The following ARHGAP24 variants were observed in gnomAD, a reference collection of about 807,000 sequenced individuals.
The protein encoded by ARHGAP24 is rho GTPase-activating protein 24.
A neutral mutation model predicts 76.4 loss-of-function variants in ARHGAP24; 50 were observed. The observed-to-expected ratio is 0.65, with a 90% CI of 0.52 to 0.83. The LOEUF is 0.83. ARHGAP24 is among the 40% of genes least tolerant of loss of function. ARHGAP24 has a pLI of 0.00. For missense variants in ARHGAP24, 930 were observed against 914.2 expected, an observed-to-expected ratio of 1.02 and a Z score of -0.22; for synonymous variants, 345 against 323.3, an observed-to-expected ratio of 1.07 and a Z score of -0.72.
chr4:85,675,393 G>A (rs576461092), intron 2 of ARHGAP24, among the ~76,000 whole-genome samples: 64 of 152,272 alleles, frequency 4.2e-4, no homozygotes, highest in Admixed American at 1.0e-3. Flanking sequence ...CATGTATTCT[G>A]CAGCTGTGGG....
intron 3 of ARHGAP24, among the ~76,000 whole-genome samples, chr4:85,846,327 C>T (rs1019129739): frequency 6.6e-6 from 1 of 152,200 alleles, no homozygotes; most frequent in Non-Finnish European, 1.5e-5. Context: ...TATCTCCACC[C>T]CCAATCTGCT....
At chr4:85,722,266 T>C (rs1049571802) in intron 3 of ARHGAP24, 18 of 354,840 alleles carry the variant, frequency 5.1e-5, no homozygotes, top group South Asian at 2.2e-4. Flanking sequence ...TGAATTTGAT[T>C]TTACAGCGCT....
chr4:85,648,641 C>A (rs1329171162), intron 2 of ARHGAP24, among the ~76,000 whole-genome samples: 1 of 151,996 alleles, frequency 6.6e-6, no homozygotes, highest in Non-Finnish European at 1.5e-5. Context: ...ATATGTCATA[C>A]AAGTGGAAAC....
At chr4:85,876,768 A>G (rs1362268352) in intron 3 of ARHGAP24, among the ~76,000 whole-genome samples, 2 of 152,210 alleles carry the variant, frequency 1.3e-5, no homozygotes, top group Non-Finnish European at 2.9e-5. Context: ...AGCACACGTA[A>G]CATCAGTGGT....
chr4:85,587,227 T>C (rs1429615490), intron 2 of ARHGAP24, among the ~76,000 whole-genome samples: 3 of 152,212 alleles, frequency 2.0e-5, no homozygotes, highest in Non-Finnish European at 4.4e-5. Flanking sequence ...ATTCCTTAAT[T>C]GACCCAACAG....
intron 2 of ARHGAP24, among the ~76,000 whole-genome samples, chr4:85,643,247 T>G (rs1453865044): frequency 0.03 from 1,306 of 42,882 alleles, 163 homozygotes; most frequent in East Asian, 0.17. Flanking sequence ...TTTTTTTTTT[T>G]TTTTTTTTTT....
At position 85,643,407 on chromosome 4, in the gene ARHGAP24, C is replaced by T. The variant is rs59477193; in HGVS notation, c.180+72686C>T. 6.7e-3 allele frequency among the ~76,000 whole-genome samples: 805 copies of T among 120,990 alleles called. 70 individuals carry two copies. Among genetic ancestry groups the T allele is most frequent in the African/African-American group, 0.021 (766 of 35,852 alleles). 79.4% of individuals were successfully genotyped at this position (120,990 alleles called of 152,430 possible). ...CCCAGTAGCTGGGACTACAGGCGCC[C>T]GCCACCGCGCCCGGCTAATTTTTTG... On this transcript the variant is annotated intron_variant, in intron 2 of 9. Transcript: ENST00000395184.
intron 1 of ARHGAP24, among the ~76,000 whole-genome samples, chr4:85,524,258 T>C (rs1308088040): frequency 6.6e-6 from 1 of 152,126 alleles, no homozygotes; most frequent in Non-Finnish European, 1.5e-5. Context: ...GCTAATTTTT[T>C]ACCAAATTCC....
chr4:85,546,534 TAACAG>T (rs1460759198), intron 1 of ARHGAP24, among the ~76,000 whole-genome samples: 5 of 152,212 alleles, frequency 3.3e-5, no homozygotes, highest in Non-Finnish European at 5.9e-5. Flanking sequence ...ATTTTAGAAT[TAACAG>T]AAATCTTAGA....
rs150288018 is a variant in ARHGAP24, at chr4:85,548,660, A to T, written c.-20-21862A>T. Among the ~76,000 whole-genome samples the T allele has an allele frequency of 7.2e-5, 11 of 152,354 alleles. No homozygotes were observed. In the East Asian group the frequency reaches 2.1e-3, roughly 29 times the overall value. On this transcript the variant is annotated intron_variant, in intron 1 of 9. Transcript: ENST00000395184. ...ACTAACTAGAATTCAACTTTTTAAC[A>T]GCTTTTTGGAATAAAATTTACTAGA...
intron 2 of ARHGAP24, among the ~76,000 whole-genome samples, chr4:85,610,271 G>T (rs969699740): frequency 6.6e-6 from 1 of 151,690 alleles, no homozygotes. Flanking sequence ...GTGAAACCTT[G>T]TCTCTACTAA....
At chr4:85,798,225 T>C (rs1425164513) in intron 3 of ARHGAP24, among the ~76,000 whole-genome samples, 1 of 152,324 alleles carries the variant, frequency 6.6e-6, no homozygotes, top group East Asian at 1.9e-4. Flanking sequence ...TGTCATCTGA[T>C]ATAACTCAAC....
At chr4:85,719,504 A>G (rs900426950) in intron 2 of ARHGAP24, among the ~76,000 whole-genome samples, 2 of 152,208 alleles carry the variant, frequency 1.3e-5, no homozygotes, top group Non-Finnish European at 2.9e-5. Flanking sequence ...CAAACCAAGT[A>G]GGTTGAAAAT....
intron 3 of ARHGAP24, among the ~76,000 whole-genome samples, chr4:85,913,633 A>G (rs928079728): frequency 9.2e-5 from 14 of 152,120 alleles, no homozygotes; most frequent in African/African-American, 3.4e-4. Flanking sequence ...TCACTGCTGT[A>G]TCCTCAGAAC....
Position 85,591,535 on chromosome 4 carries a change from C to G in ARHGAP24, c.180+20814C>G, listed in dbSNP as rs181982771. Among the ~76,000 whole-genome samples the G allele has an allele frequency of 2.5e-4, 38 of 152,318 alleles. No homozygotes were observed. The East Asian group carries it at 6.2e-3, about 25-fold the overall frequency. ...CTGCAGTGCTCAACTCTAATGTCAA[C>G]ATACTCTTGTGTCAGACTTAGTCAT... On this transcript the variant is annotated intron_variant, in intron 2 of 9. Transcript: ENST00000395184.
At chr4:85,543,767 AT>A (rs1304946881) in intron 1 of ARHGAP24, among the ~76,000 whole-genome samples, 16 of 152,106 alleles carry the variant, frequency 1.1e-4, no homozygotes, top group African/African-American at 3.9e-4. Flanking sequence ...AGGAAGCAGA[AT>A]TTTTTTCCTA....
At chr4:85,602,935 C>A (rs1720081012) in intron 2 of ARHGAP24, among the ~76,000 whole-genome samples, 1 of 152,202 alleles carries the variant, frequency 6.6e-6, no homozygotes, top group South Asian at 2.1e-4. Context: ...GATTACCTCA[C>A]TGCATTAACT....
At chr4:85,852,457 G>A (rs952533069) in intron 3 of ARHGAP24, among the ~76,000 whole-genome samples, 1 of 152,120 alleles carries the variant, frequency 6.6e-6, no homozygotes, top group Non-Finnish European at 1.5e-5. Flanking sequence ...CTGTCAACTC[G>A]TCAAAGTCAT....
intron 3 of ARHGAP24, chr4:85,722,272 G>A: frequency 2.9e-6 from 1 of 342,882 alleles, no homozygotes; most frequent in South Asian, 2.8e-5. Flanking sequence ...TGATTTTACA[G>A]CGCTCTTGTG....
Sources: allele counts gnomAD v4.1 joint callset (sites outside exome capture counted in the v4.1 genomes callset), GRCh38; gene constraint gnomAD v4.1.1; transcripts MANE v1.5; gene names NCBI Gene and HGNC (gene_info 2026-07-23, HGNC 2026-07-21).